RERG: variants seen among roughly 807,000 people sequenced by gnomAD.
The protein encoded by RERG is ras-related and estrogen-regulated growth inhibitor.
In RERG, 25 loss-of-function variants were observed where a neutral mutation model predicts 23.2. That is an observed-to-expected ratio of 1.08 (90% CI 0.79 to 1.50). The LOEUF is 1.50. RERG is among the 40% of genes most tolerant of loss of function. The probability of loss-of-function intolerance (pLI) is 0.00; values close to 1 mark genes in which losing one functional copy is unlikely to be tolerated. For synonymous variants in RERG, 81 were observed against 89.1 expected (o/e 0.91, Z 0.51); for missense variants, 253 against 250.1 (o/e 1.01, Z -0.08).
rs1372182606 is a variant in RERG at position 15,126,141 on chromosome 12, ATATATATATATG to A, written c.62-5034_62-5023del. Among the ~76,000 whole-genome samples, 16 of 140,934 alleles carry A rather than the reference ATATATATATATG, an allele frequency of 1.1e-4. 1 individual carries two copies. Among genetic ancestry groups the A allele is most frequent in the Admixed American group, 3.6e-4 (5 of 14,018 alleles). 92.5% of individuals were successfully genotyped at this position (140,934 alleles called of 152,430 possible). On this transcript the variant is annotated intron_variant, in intron 2 of 4. Transcript: ENST00000256953. ...TGTTGTATATACCATATATATATAT[ATATATATATATG>A]TATTTACACACATACATTTTTACAT...
At chr12:15,156,367 T>G (rs754259164) in intron 2 of RERG, among the ~76,000 whole-genome samples, 23 of 152,164 alleles carry the variant, frequency 1.5e-4, no homozygotes, top group Non-Finnish European at 2.6e-4. Flanking sequence ...CTGTGGACCC[T>G]TTGCTGGATC....
At chr12:15,170,239 T>C (rs115558304) in intron 2 of RERG, among the ~76,000 whole-genome samples, 2,231 of 152,136 alleles carry the variant, frequency 0.015, 56 homozygotes, top group African/African-American at 0.05. Flanking sequence ...AAATGTTAAC[T>C]ATGGACTTGG....
intron 2 of RERG, among the ~76,000 whole-genome samples, chr12:15,164,884 T>C (rs938548747): frequency 6.6e-6 from 1 of 152,208 alleles, no homozygotes. Context: ...CAAAGGGTAT[T>C]ATTGAAGTTT....
chr12:15,208,062 T>C (rs182377993), intron 2 of RERG, among the ~76,000 whole-genome samples: 34 of 152,228 alleles, frequency 2.2e-4, no homozygotes, highest in Admixed American at 2.1e-3. Flanking sequence ...CCTGATAATA[T>C]GGATGGGCCT....
At chr12:15,122,142 C>T (rs919319583) in intron 2 of RERG, among the ~76,000 whole-genome samples, 1 of 152,080 alleles carries the variant, frequency 6.6e-6, no homozygotes, top group African/African-American at 2.4e-5. Flanking sequence ...ATTTAGCAGG[C>T]TCATGAGCCC....
chr12:15,117,638 C>T (rs2136086009), intron 3 of RERG, among the ~76,000 whole-genome samples: 1 of 151,598 alleles, frequency 6.6e-6, no homozygotes, highest in Middle Eastern at 3.4e-3. Context: ...GAAATACAGT[C>T]TCTCTCTTCC....
At chr12:15,187,758 C>G (rs1308004293) in intron 2 of RERG, among the ~76,000 whole-genome samples, 3 of 151,758 alleles carry the variant, frequency 2.0e-5, no homozygotes, top group Non-Finnish European at 2.9e-5. Flanking sequence ...AGGGTTTTGC[C>G]ATGTTGGCCA....
intron 2 of RERG, among the ~76,000 whole-genome samples, chr12:15,155,517 C>T (rs1440512701): frequency 6.6e-6 from 1 of 152,158 alleles, no homozygotes; most frequent in Admixed American, 6.5e-5. Context: ...AATGAAGTTG[C>T]TGCCAGTAGA....
At position 15,148,862 on chromosome 12, in the gene RERG, T is replaced by G. The variant is rs1490006193; in HGVS notation, c.62-27743A>C. The stretch of plus-strand genomic sequence containing the variant: ...CTTTAACTCTGTTTTTTTTTTTTTT[T>G]TTTTTTTTTTTTTTTTTTTTTTTTT... On this transcript the variant is annotated intron_variant, in intron 2 of 4. Transcript: ENST00000256953. Among the ~76,000 whole-genome samples, 697 of 87,156 alleles carry G rather than the reference T, an allele frequency of 8.0e-3. 9 individuals are homozygous for G. The highest frequency in any genetic ancestry group is 9.4e-3 in the Non-Finnish European group (421 of 44,934). The allele number at this position is 87,156 out of a possible 152,430, so 57.2% of individuals were successfully genotyped here. A position where few individuals can be genotyped will look rare whatever the true frequency, so the allele number is the denominator to read the frequency against.
intron 2 of RERG, among the ~76,000 whole-genome samples, chr12:15,133,206 CAGTT>C (rs1171254910): frequency 6.9e-6 from 1 of 144,374 alleles, no homozygotes; most frequent in Non-Finnish European, 1.5e-5. Context: ...TCATGTAGAA[CAGTT>C]TCACTGTCTA....
intron 1 of RERG, among the ~76,000 whole-genome samples, chr12:15,220,142 TG>T (rs368979905): frequency 3.2e-4 from 49 of 152,346 alleles, no homozygotes; most frequent in African/African-American, 1.1e-3. Flanking sequence ...AAGTTTCTGA[TG>T]TTCCAAATAA....
chr12:15,128,066 T>C (rs1863979461), intron 2 of RERG, among the ~76,000 whole-genome samples: 1 of 152,226 alleles, frequency 6.6e-6, no homozygotes, highest in South Asian at 2.1e-4. Context: ...TTCCACTGTA[T>C]TTTAATATTT....
At chr12:15,164,141 T>A (rs1417116998) in intron 2 of RERG, among the ~76,000 whole-genome samples, 2 of 152,264 alleles carry the variant, frequency 1.3e-5, no homozygotes, top group South Asian at 4.2e-4. Flanking sequence ...TAATAAGGTC[T>A]GACTCCAGAA....
chr12:15,134,569 A>T (rs1864111264), intron 2 of RERG, among the ~76,000 whole-genome samples: 1 of 151,840 alleles, frequency 6.6e-6, no homozygotes, highest in Non-Finnish European at 1.5e-5. Flanking sequence ...ATATTGTGTT[A>T]TCTATTCTGG....
chr12:15,188,544 C>T (rs1434413384), intron 2 of RERG, among the ~76,000 whole-genome samples: 2 of 151,974 alleles, frequency 1.3e-5, no homozygotes, highest in East Asian at 3.9e-4. Context: ...GACTCCTGCC[C>T]TGGGCATGGC....
intron 2 of RERG, chr12:15,217,076 T>C (rs16910692): frequency 0.34 from 60,053 of 178,274 alleles, 10,531 homozygotes; most frequent in African/African-American, 0.43. Context: ...ATGAATGAGA[T>C]GTAAAATCAG....
rs1314790399 is a variant in RERG at position 15,107,787 on chromosome 12, A to G, written c.*1323T>C. On this transcript the variant is annotated 3_prime_UTR_variant, in exon 5 of 5. Transcript: ENST00000256953. ...ACAAGAAAGATTACCCAAATATGAC[A>G]GAATGAGAAAATTATGCTTTTTATT... The G allele has an allele frequency of 6.6e-6, 1 of 152,560 alleles. No homozygotes were observed. The highest frequency in any genetic ancestry group is 6.5e-5 in the Admixed American group (1 of 15,286). The allele number at this position is 152,560 out of a possible 1,614,324, so 9.5% of individuals were successfully genotyped here. A position where few individuals can be genotyped will look rare whatever the true frequency, so the allele number is the denominator to read the frequency against.
At chr12:15,219,091 G>A (rs966850448) in intron 1 of RERG, among the ~76,000 whole-genome samples, 1 of 152,052 alleles carries the variant, frequency 6.6e-6, no homozygotes, top group Non-Finnish European at 1.5e-5. Flanking sequence ...ATACAGCACA[G>A]CACTTTTACC....
At chr12:15,170,687 C>A (rs946318200) in intron 2 of RERG, among the ~76,000 whole-genome samples, 8 of 152,166 alleles carry the variant, frequency 5.3e-5, no homozygotes, top group African/African-American at 1.7e-4. Flanking sequence ...CAGAGTTCTG[C>A]AGTGTGAAGG....
Sources: allele counts gnomAD v4.1 joint callset (sites outside exome capture counted in the v4.1 genomes callset), GRCh38; gene constraint gnomAD v4.1.1; transcripts MANE v1.5; gene names NCBI Gene and HGNC (gene_info 2026-07-23, HGNC 2026-07-21).